GRK4: variants seen among roughly 807,000 people sequenced by gnomAD.
GRK4 encodes G protein-coupled receptor kinase 2-like.
A neutral mutation model predicts 77.9 loss-of-function variants in GRK4; 73 were observed. The ratio of observed to expected loss-of-function variants is 0.94; its 90% confidence interval spans 0.78 to 1.14. The LOEUF is 1.14. Among genes scored for constraint, GRK4 ranks in the 50% most tolerant of loss-of-function variants. The pLI is 0.00. For missense variants in GRK4, 729 were observed against 700.2 expected, an observed-to-expected ratio of 1.04 and a Z score of -0.46; for synonymous variants, 257 against 254.4, an observed-to-expected ratio of 1.01 and a Z score of -0.10.
chr4:3,024,633 G>A (rs1736944950), intron 10 of GRK4, among the ~76,000 whole-genome samples: 1 of 152,180 alleles, frequency 6.6e-6, no homozygotes, highest in Admixed American at 6.5e-5. Context: ...GCTGAGGCAG[G>A]TGGATCACTT....
intron 1 of GRK4, chr4:2,970,997 T>G (rs904144777): frequency 4.6e-5 from 7 of 152,142 alleles, no homozygotes; most frequent in African/African-American, 1.7e-4. Context: ...CTTTATATTT[T>G]GACCCAAATT....
At chr4:3,038,289 CT>C (rs1741400764) in intron 14 of GRK4, 86 bp from the exon 15 acceptor site, 1 of 1,543,866 alleles carries the variant, frequency 6.5e-7, no homozygotes, top group Non-Finnish European at 8.8e-7. Context: ...CCGCACGGGG[CT>C]GGGCAGGAGC....
chr4:2,991,117 A>G (rs1351258372), intron 3 of GRK4, among the ~76,000 whole-genome samples: 2 of 152,236 alleles, frequency 1.3e-5, no homozygotes, highest in Non-Finnish European at 2.9e-5. Flanking sequence ...ATTGGCTTAC[A>G]TAATTGTGGG....
chr4:3,027,907 C>T lies in GRK4; in HGVS notation c.971-5C>T, dbSNP rs1008709259. ...ACCTGTGTAATAACATATTTGAACACACAGGACACATCCGGATTTCAGACC... is the reference window on the plus strand; with the variant it reads ...ACCTGTGTAATAACATATTTGAACATACAGGACACATCCGGATTTCAGACC... On this transcript the variant is annotated splice_region_variant and splice_polypyrimidine_tract_variant and intron_variant, in intron 10 of 15. Coordinates refer to ENST00000398052, the MANE Select transcript of GRK4 (RefSeq NM_182982.3). 1.2e-6 allele frequency: 2 copies of T among 1,613,480 alleles called. No homozygotes were observed. The highest frequency in any genetic ancestry group is 1.7e-6 in the Non-Finnish European group (2 of 1,179,482).
intron 1 of GRK4, among the ~76,000 whole-genome samples, chr4:2,977,109 T>G (rs1451597179): frequency 1.3e-5 from 2 of 152,148 alleles, no homozygotes; most frequent in African/African-American, 4.8e-5. Flanking sequence ...TGTTTGGGGG[T>G]CCAGGAACAG....
intron 1 of GRK4, among the ~76,000 whole-genome samples, chr4:2,979,880 GAA>G (rs988707601): frequency 6.6e-6 from 1 of 151,884 alleles, no homozygotes; most frequent in African/African-American, 2.4e-5. Context: ...TCTCAAAAAA[GAA>G]AAAAAATGGT....
rs140752798 is a variant in GRK4, at chr4:3,018,031, G to C, written c.742-1610G>C. Among the ~76,000 whole-genome samples, 153 of 150,444 alleles carry C rather than the reference G, an allele frequency of 1.0e-3. 1 individual carries two copies. The highest frequency in any genetic ancestry group is 6.8e-3 in the Middle Eastern group (2 of 292). ...AAGGTTAGAGAAAAGAAGAAAAAAG[G>C]TTAAAAAAAAGCCCTCATCATTTTC... On this transcript the variant is annotated intron_variant, in intron 8 of 15. Transcript: ENST00000398052.
chr4:3,008,360 G>A (rs1731915826), intron 6 of GRK4, among the ~76,000 whole-genome samples: 1 of 152,152 alleles, frequency 6.6e-6, no homozygotes, highest in South Asian at 2.1e-4. Context: ...TCAGGTAAGT[G>A]GCTTAGCTTG....
At chr4:2,999,124 A>T (rs1328714712) in intron 4 of GRK4, among the ~76,000 whole-genome samples, 1 of 152,212 alleles carries the variant, frequency 6.6e-6, no homozygotes, top group Admixed American at 6.5e-5. Flanking sequence ...GGTAATTTAT[A>T]AAGAACAGAG....
At chr4:2,998,385 G>A (rs1186321162) in intron 4 of GRK4, among the ~76,000 whole-genome samples, 1 of 151,884 alleles carries the variant, frequency 6.6e-6, no homozygotes, top group African/African-American at 2.4e-5. Flanking sequence ...AAGGTATTTA[G>A]ATTGTAAAGG....
chr4:3,018,392 G>A lies in GRK4; in HGVS notation c.742-1249G>A, dbSNP rs1254573533. On this transcript the variant is annotated intron_variant, in intron 8 of 15. Coordinates refer to ENST00000398052, the MANE Select transcript of GRK4 (RefSeq NM_182982.3). ...AACATCAAAATCTAAGAAAAGACCC[G>A]GTGAGGTGGTGTGCACCTGTAGTCC... 3.3e-5 allele frequency among the ~76,000 whole-genome samples: 5 copies of A among 152,094 alleles called. No individual in the cohort carries two copies. The South Asian group carries it at 6.2e-4, about 19-fold the overall frequency.
intron 1 of GRK4, among the ~76,000 whole-genome samples, chr4:2,978,196 T>C (rs1370336745): frequency 6.6e-6 from 1 of 152,260 alleles, no homozygotes; most frequent in Non-Finnish European, 1.5e-5. Context: ...AAAACAACTT[T>C]CATCTTTAAA....
intron 1 of GRK4, among the ~76,000 whole-genome samples, chr4:2,976,335 G>A (rs945335054): frequency 1.3e-5 from 2 of 151,430 alleles, no homozygotes; most frequent in Admixed American, 6.6e-5. Flanking sequence ...AGGCTCCAGT[G>A]ATCCTCCCAC....
Position 2,963,599 on chromosome 4 carries a change from C to T in GRK4, c.-472C>T. ...GTGCCCCGGCCGCGGCGGCGAGGGG[C>T]GCTCCCTCTTCAGCTAAGCCGTTAG... On this transcript the variant is annotated 5_prime_UTR_variant, in exon 1 of 16. Coordinates refer to ENST00000398052, the MANE Select transcript of GRK4 (RefSeq NM_182982.3). The T allele has an allele frequency of 4.6e-6, 2 of 435,604 alleles. No homozygotes were observed. Among genetic ancestry groups the T allele is most frequent in the Non-Finnish European group, 8.0e-6 (2 of 248,486 alleles). 27.0% of individuals were successfully genotyped at this position (435,604 alleles called of 1,614,324 possible).
chr4:3,001,521 C>T (rs1344339835), intron 4 of GRK4, among the ~76,000 whole-genome samples: 1 of 151,794 alleles, frequency 6.6e-6, no homozygotes, highest in Non-Finnish European at 1.5e-5. Flanking sequence ...TGCCTGCCAC[C>T]ATGCCCAGCT....
chr4:3,011,169 A>G (rs770491545), intron 7 of GRK4, among the ~76,000 whole-genome samples: 1 of 152,224 alleles, frequency 6.6e-6, no homozygotes, highest in Non-Finnish European at 1.5e-5. Context: ...AAATTTCTGG[A>G]ACATGGGTCA....
chr4:2,988,592 A>AACAACG, intron 2 of GRK4, 135 bp from the exon 3 acceptor site: 1 of 560,304 alleles, frequency 1.8e-6, no homozygotes, highest in Admixed American at 2.8e-5. Flanking sequence ...CAACAACAAC[A>AACAACG]ACAAGATGAA....
chr4:3,038,083 C>T (rs1379889058), intron 14 of GRK4, among the ~76,000 whole-genome samples: 2 of 152,206 alleles, frequency 1.3e-5, no homozygotes, highest in East Asian at 1.9e-4. Context: ...GGGAGCTTGC[C>T]TGCCACCCCG....
intron 1 of GRK4, among the ~76,000 whole-genome samples, chr4:2,982,865 C>T (rs776215361): frequency 6.6e-6 from 1 of 152,200 alleles, no homozygotes; most frequent in Admixed American, 6.5e-5. Context: ...CTGTCACTGA[C>T]ACAGCACTTG....
Sources: gnomAD v4.1 joint callset for allele counts (sites outside exome capture counted in the v4.1 genomes callset) on GRCh38, gnomAD v4.1.1 for gene constraint, MANE v1.5 for transcripts, NCBI Gene and HGNC (gene_info 2026-07-23, HGNC 2026-07-21) for gene names.